CAMK2A: variants seen among roughly 807,000 people sequenced by gnomAD.
CAMK2A encodes calcium/calmodulin-dependent protein kinase type II subunit alpha.
In CAMK2A, 7 loss-of-function variants were observed where a neutral mutation model predicts 79.2. That is an observed-to-expected ratio of 0.09 (90% confidence interval 0.05 to 0.17). CAMK2A has a LOEUF of 0.17. Among genes scored for constraint, CAMK2A ranks in the 10% least tolerant of loss-of-function variants. The pLI, the probability that CAMK2A is intolerant of heterozygous loss-of-function variation, is 1.00. For synonymous variants in CAMK2A, 242 were observed against 251.7 expected, an observed-to-expected ratio of 0.96 and a Z score of 0.36; for missense variants, 214 against 646.4, an observed-to-expected ratio of 0.33 and a Z score of 7.25.
intron 3 of CAMK2A, among the ~76,000 whole-genome samples, chr5:150,257,895 T>G (rs1482946532): frequency 6.6e-6 from 1 of 152,220 alleles, no homozygotes. Context: ...AAACCCTGTT[T>G]GGTTGCTGGG....
chr5:150,225,099 T>G (rs139562036), intron 17 of CAMK2A, among the ~76,000 whole-genome samples: 2,840 of 113,798 alleles, frequency 0.025, 49 homozygotes, highest in Middle Eastern at 0.067. Context: ...AGAGAGACAA[T>G]GGATAGATAA....
chr5:150,259,336 A>G (rs1036457132), intron 3 of CAMK2A, among the ~76,000 whole-genome samples: 1 of 152,038 alleles, frequency 6.6e-6, no homozygotes, highest in African/African-American at 2.4e-5. Flanking sequence ...CCTGGGCAAC[A>G]TGATGAAACC....
In CAMK2A at chr5:150,223,128, T is replaced by C. The variant is rs1266065955; in HGVS notation, c.1327A>G (p.Ile443Val). The C allele has an allele frequency of 6.2e-7, 1 of 1,614,000 alleles. No homozygotes were observed. The highest frequency in any genetic ancestry group is 1.3e-5 in the African/African-American group (1 of 74,946). Residue 443 changes from isoleucine to valine, a missense_variant, in exon 18 of 19, where the codon ATC (isoleucine) becomes GTC (valine). By Grantham distance (29) the Ile-to-Val change is conservative. Coordinates refer to ENST00000671881, the MANE Select transcript of CAMK2A (RefSeq NM_015981.4). The surrounding 1 kb of genome is among the most constrained non-coding windows in gnomAD (Gnocchi z 4.1). ...GCGTCCAGGTACTGCGTGATGCGGA[T>C]GTAGGCGATGCAGGCTGACTCGTCG... ...MGDESACIAY[I>V]RITQYLDAGG...
At chr5:150,278,903 G>A (rs1359751257) in intron 1 of CAMK2A, among the ~76,000 whole-genome samples, 4 of 152,150 alleles carry the variant, frequency 2.6e-5, no homozygotes, top group Admixed American at 6.5e-5. Flanking sequence ...GAGCCAGAGG[G>A]TCACAGAATG....
In CAMK2A at chr5:150,221,175, TTTTG is replaced by T. The variant is rs899877229; in HGVS notation, c.*1531_*1534del. 6.0e-5 allele frequency: 21 copies of T among 349,504 alleles called. No homozygotes were observed. Among genetic ancestry groups the T allele is most frequent in the South Asian group, 1.5e-4 (1 of 6,580 alleles). 21.7% of individuals were successfully genotyped at this position (349,504 alleles called of 1,614,324 possible). On this transcript the variant is annotated 3_prime_UTR_variant, in exon 19 of 19. Coordinates refer to ENST00000671881, the MANE Select transcript of CAMK2A (RefSeq NM_015981.4). ...TTGGTTTTGTTGAGTGTTTTCTTCTTTTTGTTTGTTTTCAACATACTTACTGCGT... is the reference window on the plus strand; with the variant it reads ...TTGGTTTTGTTGAGTGTTTTCTTCTTTTTGTTTTCAACATACTTACTGCGT...
In CAMK2A at chr5:150,231,386, A is replaced by T. The variant is rs1304603407; in HGVS notation, c.1067-6T>A. On this transcript the variant is annotated splice_polypyrimidine_tract_variant and splice_region_variant and intron_variant, in intron 15 of 18. Transcript: ENST00000671881. The stretch of plus-strand genomic sequence containing the variant: ...TATAATTTCCTGTTTCCGCACTGTA[A>T]GGCAGAAGGGGACACAGAAATAATA... 1 of 1,429,300 alleles carries T rather than the reference A, an allele frequency of 7.0e-7. No homozygotes were observed. The highest frequency in any genetic ancestry group is 2.0e-5 in the Admixed American group (1 of 50,236). 88.5% of individuals were successfully genotyped at this position (1,429,300 alleles called of 1,614,324 possible). A position where few individuals can be genotyped will look rare whatever the true frequency, so the allele number is the denominator to read the frequency against.
At chr5:150,264,165 G>T (rs921301985) in intron 3 of CAMK2A, among the ~76,000 whole-genome samples, 6 of 152,252 alleles carry the variant, frequency 3.9e-5, no homozygotes, top group South Asian at 2.1e-4. Context: ...CAAAATCCTG[G>T]CCCCATCCCA....
At chr5:150,288,678 C>T (rs76884529) in intron 1 of CAMK2A, among the ~76,000 whole-genome samples, 1 of 152,156 alleles carries the variant, frequency 6.6e-6, no homozygotes, top group Non-Finnish European at 1.5e-5. Context: ...GCAAACTCTG[C>T]CTCCAAAATG....
intron 9 of CAMK2A, 104 bp from the exon 10 acceptor site, chr5:150,250,914 A>G: frequency 6.1e-6 from 8 of 1,306,962 alleles, no homozygotes; most frequent in Non-Finnish European, 8.6e-6. Context: ...CCTACTGCCC[A>G]TCCACTCGGA....
intron 6 of CAMK2A, among the ~76,000 whole-genome samples, 198 bp from the exon 7 acceptor site, chr5:150,253,744 T>C (rs1755935757): frequency 6.6e-6 from 1 of 152,100 alleles, no homozygotes; most frequent in Non-Finnish European, 1.5e-5. Context: ...TGGCAAGACC[T>C]CCATCCGCTA....
intron 17 of CAMK2A, among the ~76,000 whole-genome samples, chr5:150,225,530 G>C (rs1754559727): frequency 6.6e-6 from 1 of 152,192 alleles, no homozygotes; most frequent in East Asian, 1.9e-4. Flanking sequence ...CTTCCTCTCT[G>C]TGATTATTTC....
In CAMK2A at chr5:150,270,843, G is replaced by A. The variant is rs201358609; in HGVS notation, c.157+2222C>T. ...GACTGTCTGGCATAGCCCAGGGTCT[G>A]CACTGTCCCAGGAGTGCTTAGTCAC... On this transcript the variant is annotated intron_variant, in intron 2 of 18. Coordinates refer to ENST00000671881, the MANE Select transcript of CAMK2A (RefSeq NM_015981.4). Among the ~76,000 whole-genome samples, 30 of 152,308 alleles carry A rather than the reference G, an allele frequency of 2.0e-4. No individual in the cohort carries two copies. In the East Asian group the frequency reaches 4.4e-3, roughly 23 times the overall value.
intron 15 of CAMK2A, 144 bp from the exon 16 acceptor site, chr5:150,231,524 A>T (rs1754841575): frequency 3.0e-6 from 1 of 335,344 alleles, no homozygotes; most frequent in African/African-American, 2.1e-5. Context: ...TGAAGACCTC[A>T]TGCAGATGAT....
chr5:150,253,382 G>C, intron 7 of CAMK2A, 62 bp downstream of exon 7: 1 of 1,325,278 alleles, frequency 7.5e-7, no homozygotes, highest in Non-Finnish European at 1.1e-6. Context: ...GTTCCCAGAG[G>C]CTTATGTGTC....
intron 9 of CAMK2A, 119 bp from the exon 10 acceptor site, chr5:150,250,929 C>A: frequency 8.5e-7 from 1 of 1,177,032 alleles, no homozygotes; most frequent in Non-Finnish European, 1.2e-6. Context: ...CTCGGACATC[C>A]ACACCAGGAG....
chr5:150,231,447 G>A, intron 15 of CAMK2A, 67 bp from the exon 16 acceptor site: 4 of 683,284 alleles, frequency 5.9e-6, no homozygotes, highest in Non-Finnish European at 8.4e-6. Context: ...TAATAATAGT[G>A]ATGGTAATGA....
chr5:150,258,681 A>G (rs1238289384), intron 3 of CAMK2A, among the ~76,000 whole-genome samples: 9 of 152,226 alleles, frequency 5.9e-5, no homozygotes, highest in Non-Finnish European at 1.3e-4. Context: ...GAGGAGACTC[A>G]CTTTTCACTA....
At chr5:150,244,584 G>C (rs557139488) in intron 13 of CAMK2A, among the ~76,000 whole-genome samples, 1 of 152,208 alleles carries the variant, frequency 6.6e-6, no homozygotes, top group Admixed American at 6.5e-5. Flanking sequence ...AGGGTAACTC[G>C]GGCTCTAGGG....
chr5:150,250,852 G>A (rs1208502815), intron 9 of CAMK2A, 42 bp from the exon 10 acceptor site: 1 of 1,604,126 alleles, frequency 6.2e-7, no homozygotes, highest in Non-Finnish European at 8.5e-7. Flanking sequence ...GCCTGCCCCA[G>A]GCCACCCCTG....
Sources: gnomAD v4.1 joint callset for allele counts (sites outside exome capture counted in the v4.1 genomes callset) on GRCh38, gnomAD v4.1.1 for gene constraint, Gnocchi (gnomAD v3.1) non-coding constraint, MANE v1.5 for transcripts, NCBI Gene and HGNC (gene_info 2026-07-23, HGNC 2026-07-21) for gene names.